Variants in C9orf85 observed in about 807,000 individuals in gnomAD.
The protein encoded by C9orf85 is chromosome 9 open reading frame 85.
A neutral mutation model predicts 14.9 loss-of-function variants in C9orf85; 16 were observed. The observed-to-expected ratio is 1.08, with a 90% CI of 0.73 to 1.63. The LOEUF is 1.63. Among genes scored for constraint, C9orf85 ranks in the 40% most tolerant of loss-of-function variants. C9orf85 has a pLI of 0.00. For missense variants in C9orf85, 172 were observed against 186.1 expected (o/e 0.92, Z 0.44); for synonymous variants, 45 against 56.8 (o/e 0.79, Z 0.93).
At chr9:71,939,409 C>A (rs72739887) in intron 1 of C9orf85, among the ~76,000 whole-genome samples, 7,759 of 152,004 alleles carry the variant, frequency 0.051, 258 homozygotes, top group Non-Finnish European at 0.072. Context: ...TAACCAAATA[C>A]TAGCATATGG....
rs146129245 is a variant in C9orf85, at chr9:71,952,439, A to G, written c.209+5327A>G. 4.5e-3 allele frequency among the ~76,000 whole-genome samples: 692 copies of G among 152,226 alleles called. 8 individuals carry two copies. The highest frequency in any genetic ancestry group is 0.016 in the African/African-American group (648 of 41,528). On this transcript the variant is annotated intron_variant, in intron 2 of 3. Transcript: ENST00000334731. ...TAGTGCAGTGGCACGATGTCAGCTC[A>G]CTGCAAGCTCCGCCTCCTGGGTTCA...
downstream of C9orf85, among the ~76,000 whole-genome samples, chr9:71,976,613 G>A (rs1319414171): frequency 6.7e-6 from 1 of 150,062 alleles, no homozygotes; most frequent in Non-Finnish European, 1.5e-5. Flanking sequence ...AGTGAGCCGA[G>A]ATCGCGCCAC....
At chr9:71,959,064 T>C (rs1729557268) in intron 2 of C9orf85, among the ~76,000 whole-genome samples, 1 of 152,128 alleles carries the variant, frequency 6.6e-6, no homozygotes, top group African/African-American at 2.4e-5. Context: ...ATATATATTA[T>C]ATATTTTAAC....
intron 1 of C9orf85, among the ~76,000 whole-genome samples, chr9:71,915,549 T>C (rs1389371594): frequency 6.6e-6 from 1 of 152,168 alleles, no homozygotes; most frequent in African/African-American, 2.4e-5. Flanking sequence ...TATGTGGCCC[T>C]GCAGTTGATC....
At chr9:71,919,630 T>C (rs546958353) in intron 1 of C9orf85, among the ~76,000 whole-genome samples, 5 of 152,360 alleles carry the variant, frequency 3.3e-5, no homozygotes, top group Admixed American at 3.3e-4. Context: ...CTAGGCATTA[T>C]GATATACATA....
At chr9:71,948,737 C>T (rs1335833567) in intron 2 of C9orf85, among the ~76,000 whole-genome samples, 2 of 151,834 alleles carry the variant, frequency 1.3e-5, no homozygotes, top group African/African-American at 4.8e-5. Context: ...CTGGCCAGGC[C>T]GGTCTCAAAC....
intron 2 of C9orf85, among the ~76,000 whole-genome samples, chr9:71,952,568 G>A (rs535157360): frequency 7.9e-5 from 12 of 152,118 alleles, no homozygotes; most frequent in South Asian, 4.1e-4. Flanking sequence ...GGGTTTCACC[G>A]TGTTAGCCAG....
At chr9:71,928,186 C>CAAAAAAAAAAAAAAAA (rs58238164) in intron 1 of C9orf85, among the ~76,000 whole-genome samples, 2 of 74,286 alleles carry the variant, frequency 2.7e-5, no homozygotes, top group African/African-American at 1.1e-4. Context: ...GGCTCTGTCT[C>CAAAAAAAAAAAAAAAA]AAAAAAAAAA....
At chr9:71,918,481 G>T (rs1251147977) in intron 1 of C9orf85, 11 of 1,299,778 alleles carry the variant, frequency 8.5e-6, no homozygotes, top group Admixed American at 2.3e-5. Context: ...TGGAGCAGGG[G>T]TCCCCAGCCC....
intron 1 of C9orf85, among the ~76,000 whole-genome samples, chr9:71,944,033 C>A (rs1340173856): frequency 2.6e-5 from 4 of 151,576 alleles, no homozygotes; most frequent in Non-Finnish European, 5.9e-5. Flanking sequence ...GCCAGGAGTT[C>A]GAGACCAGCC....
chr9:71,946,483 A>G (rs940453936), intron 1 of C9orf85, among the ~76,000 whole-genome samples: 4 of 152,148 alleles, frequency 2.6e-5, no homozygotes, highest in African/African-American at 7.2e-5. Context: ...ATCAGAATCA[A>G]TGGGAAGGTT....
At chr9:71,912,113 A>T (rs1019014914) in intron 1 of C9orf85, 2 of 449,028 alleles carry the variant, frequency 4.5e-6, no homozygotes, top group African/African-American at 4.0e-5. Context: ...TGGGGCAGTT[A>T]CGTCGTTCAG....
intron 2 of C9orf85, among the ~76,000 whole-genome samples, chr9:71,964,278 T>TG (rs1356286046): frequency 1.2e-4 from 18 of 152,098 alleles, no homozygotes; most frequent in African/African-American, 3.4e-4. Flanking sequence ...CAGCAGGATG[T>TG]GGGTGGGGCC....
At chr9:71,939,198 C>T (rs1469756240) in intron 1 of C9orf85, among the ~76,000 whole-genome samples, 3 of 151,480 alleles carry the variant, frequency 2.0e-5, no homozygotes, top group East Asian at 1.9e-4. Context: ...TATATATATA[C>T]AATGCTATAT....
At chr9:71,948,048 G>C (rs897903815) in intron 2 of C9orf85, among the ~76,000 whole-genome samples, 4 of 152,250 alleles carry the variant, frequency 2.6e-5, no homozygotes, top group Non-Finnish European at 5.9e-5. Flanking sequence ...CAATATTGGA[G>C]AGTAATTGCT....
At chr9:71,944,988 T>C (rs1043240174) in intron 1 of C9orf85, among the ~76,000 whole-genome samples, 1 of 152,136 alleles carries the variant, frequency 6.6e-6, no homozygotes, top group Non-Finnish European at 1.5e-5. Flanking sequence ...TGCACAGCTT[T>C]GTAAATCAAG....
intron 1 of C9orf85, among the ~76,000 whole-genome samples, chr9:71,944,090 C>T (rs906980606): frequency 6.6e-6 from 1 of 151,726 alleles, no homozygotes; most frequent in Non-Finnish European, 1.5e-5. Context: ...CAAAAATTAG[C>T]TGGCATGCTG....
intron 1 of C9orf85, among the ~76,000 whole-genome samples, chr9:71,915,740 A>G (rs184957103): frequency 3.0e-4 from 46 of 152,370 alleles, no homozygotes; most frequent in Admixed American, 2.9e-3. Flanking sequence ...TGTATGATAC[A>G]GTGCATATGT....
At chr9:71,961,211 C>T (rs1474370729) in intron 2 of C9orf85, among the ~76,000 whole-genome samples, 22 of 152,046 alleles carry the variant, frequency 1.4e-4, no homozygotes, top group Admixed American at 1.4e-3. Flanking sequence ...CCACGCCTGG[C>T]CTCCAGCATT....
Sources: allele counts gnomAD v4.1 joint callset (sites outside exome capture counted in the v4.1 genomes callset), GRCh38; gene constraint gnomAD v4.1.1; transcripts MANE v1.5; gene names NCBI Gene and HGNC (gene_info 2026-07-23, HGNC 2026-07-21).